CFAP47: variants seen among roughly 807,000 people sequenced by gnomAD.
CFAP47 encodes cilia and flagella associated protein 47.
Under a neutral mutation model 148.1 loss-of-function variants are expected in CFAP47, and 29 were observed. That is an observed-to-expected ratio of 0.20 (90% CI 0.15 to 0.27). CFAP47 has a LOEUF of 0.27. Ranked by LOEUF, CFAP47 falls within the 10% of genes least tolerant of loss-of-function variation. CFAP47 has a pLI of 1.00. For missense variants in CFAP47, 1,872 were observed against 1,697.5 expected (o/e 1.10, Z -1.81); for synonymous variants, 664 against 577.3 (o/e 1.15, Z -2.15).
chrX:36,319,965 A>G (rs782007924), intron 57 of CFAP47, among the ~76,000 whole-genome samples: 2 of 110,837 alleles, frequency 1.8e-5, no homozygotes, highest in African/African-American at 3.3e-5. Flanking sequence ...AGCTGGGACT[A>G]CAGGCGCACA....
At chrX:36,311,094 C>A in intron 56 of CFAP47, 105 bp downstream of exon 56, 1 of 471,298 alleles carries the variant, frequency 2.1e-6, no homozygotes, top group Non-Finnish European at 3.3e-6. Flanking sequence ...CTTTAGAAAT[C>A]TGTAAAGAAA....
intron 21 of CFAP47, among the ~76,000 whole-genome samples, chrX:36,005,737 A>G (rs7058839): frequency 0.15 from 16,701 of 111,280 alleles, 1,249 homozygotes; most frequent in East Asian, 0.3. Flanking sequence ...AAACTTTGTA[A>G]GATTATTTTT....
At chrX:36,212,572 A>T (rs1402557052) in intron 45 of CFAP47, among the ~76,000 whole-genome samples, 2 of 111,460 alleles carry the variant, frequency 1.8e-5, no homozygotes, top group African/African-American at 3.3e-5. Context: ...TTATTTTTTT[A>T]AAATGGGTTT....
chrX:36,114,568 A>G (rs1938608035), intron 33 of CFAP47, among the ~76,000 whole-genome samples: 1 of 111,127 alleles, frequency 9.0e-6, no homozygotes, highest in South Asian at 3.8e-4. Context: ...TGATTGTGGT[A>G]TAAGGTGGAT....
In CFAP47 at chrX:36,025,113, C is replaced by T. The variant is rs979224830; in HGVS notation, c.3557-6140C>T. Among the ~76,000 whole-genome samples the T allele has an allele frequency of 2.7e-5, 3 of 111,503 alleles. No homozygotes were observed. In the South Asian group the frequency reaches 1.1e-3, roughly 42 times the overall value. ...TCATAAGCATTTAGGTTGTTTCTTC[C>T]TTTTACCTTCTTGTTAATATAAATA... On this transcript the variant is annotated intron_variant, in intron 22 of 63. Transcript: ENST00000378653.
chrX:35,926,231 A>G, intron 2 of CFAP47, 63 bp downstream of exon 2: 1 of 928,864 alleles, frequency 1.1e-6, no homozygotes, highest in South Asian at 3.1e-5. Context: ...ATGAGGGTCA[A>G]AGTAATATTT....
Position 36,306,768 on chromosome X carries a change from A to G in CFAP47, c.8083-4A>G, listed in dbSNP as rs1360877024. On this transcript the variant is annotated splice_region_variant and splice_polypyrimidine_tract_variant and intron_variant, in intron 54 of 63. Transcript: ENST00000378653. The stretch of plus-strand genomic sequence containing the variant: ...TTCCCCCTTTGCTTTTTCCATTTAC[A>G]CAGCTGATCATATCTCCTCACTCCA... 22 of 1,132,160 alleles carry G rather than the reference A, an allele frequency of 1.9e-5. No individual in the cohort carries two copies. Among genetic ancestry groups the G allele is most frequent in the Non-Finnish European group, 2.5e-5 (21 of 847,146 alleles). The allele number at this position is 1,132,160 out of a possible 1,213,427, so 93.3% of individuals were successfully genotyped here.
At chrX:36,009,047 A>T (rs940734915) in intron 21 of CFAP47, among the ~76,000 whole-genome samples, 1 of 110,890 alleles carries the variant, frequency 9.0e-6, no homozygotes, top group African/African-American at 3.3e-5. Flanking sequence ...ATTTCTGTTG[A>T]TGTGGAAGAA....
intron 48 of CFAP47, among the ~76,000 whole-genome samples, chrX:36,248,465 G>C (rs1035585532): frequency 2.0e-5 from 2 of 99,176 alleles, no homozygotes; most frequent in African/African-American, 3.8e-5. Flanking sequence ...AGAAAGCATA[G>C]AAAAGTATTT....
In CFAP47 at chrX:36,379,448, G is replaced by C. The variant is rs1942057171; in HGVS notation, c.9284G>C (p.Gly3095Ala). The C allele has an allele frequency of 8.6e-7, 1 of 1,162,605 alleles. No homozygotes were observed. Among genetic ancestry groups the C allele is most frequent in the Non-Finnish European group, 1.2e-6 (1 of 869,443 alleles). ...AGELLPFNTN[G>A]TLITVGFKPK... Reference sequence around the variant, plus strand: ...GAACTTCTTCCTTTTAACACAAACGGAACTCTCATCACTGTAGGATTTAAA... The same window carrying C: ...GAACTTCTTCCTTTTAACACAAACGCAACTCTCATCACTGTAGGATTTAAA... The change falls in exon 63 of 64, where the codon GGA becomes GCA. Residue 3095 changes from glycine to alanine, a missense_variant. Physicochemically the swap from Gly to Ala is moderately conservative, Grantham distance 60 (BLOSUM62 0). Coordinates refer to ENST00000378653, the MANE Select transcript of CFAP47 (RefSeq NM_001304548.2).
At chrX:36,335,311 A>G (rs1279545936) in intron 57 of CFAP47, among the ~76,000 whole-genome samples, 2 of 110,843 alleles carry the variant, frequency 1.8e-5, no homozygotes, top group Admixed American at 1.9e-4. Flanking sequence ...CTTTTTAGAA[A>G]ATGCATCCTG....
chrX:36,135,730 T>C (rs1939033400), intron 33 of CFAP47, among the ~76,000 whole-genome samples: 1 of 111,851 alleles, frequency 8.9e-6, no homozygotes, highest in Non-Finnish European at 1.9e-5. Context: ...GGAAATGTGA[T>C]GGCAGGTACG....
intron 51 of CFAP47, among the ~76,000 whole-genome samples, chrX:36,288,503 T>G (rs1941156689): frequency 8.9e-6 from 1 of 112,317 alleles, no homozygotes. Context: ...AGCAACTCTT[T>G]ATATAATTTA....
chrX:36,021,240 TGTAAGA>T (rs1406007144), intron 22 of CFAP47, among the ~76,000 whole-genome samples: 3 of 111,582 alleles, frequency 2.7e-5, no homozygotes, highest in Non-Finnish European at 5.6e-5. Context: ...ATTTAGTCTA[TGTAAGA>T]GTATTTTACA....
rs1555998225 is a variant in CFAP47, at chrX:36,251,421, C to T, written c.7421C>T (p.Pro2474Leu). ...ATTCTGTACCTGATTCATGTGCGCC[C>T]TTGGAAACGTGGTATATTGAAAGGT... ...KEILYLIHVR[P>L]WKRGILKGTI... Residue 2474 changes from proline to leucine, a missense_variant, in exon 49 of 64, where the codon CCT becomes CTT. Coordinates refer to ENST00000378653, the MANE Select transcript of CFAP47 (RefSeq NM_001304548.2). 1 of 501,971 alleles carries T rather than the reference C, an allele frequency of 2.0e-6. No homozygotes were observed. Among genetic ancestry groups the T allele is most frequent in the African/African-American group, 2.3e-5 (1 of 42,577 alleles). 41.4% of individuals were successfully genotyped at this position (501,971 alleles called of 1,213,427 possible).
intron 29 of CFAP47, among the ~76,000 whole-genome samples, chrX:36,082,176 C>T (rs1937995541): frequency 9.0e-6 from 1 of 111,621 alleles, no homozygotes; most frequent in African/African-American, 3.3e-5. Flanking sequence ...GTTCCCTTTT[C>T]TCCGCATCTT....
chrX:36,088,010 G>A (rs1429662528), intron 30 of CFAP47, among the ~76,000 whole-genome samples: 1 of 111,358 alleles, frequency 9.0e-6, no homozygotes, highest in Non-Finnish European at 1.9e-5. Context: ...TTTCCTCTGT[G>A]TACCCATTTC....
intron 38 of CFAP47, 66 bp from the exon 39 acceptor site, chrX:36,160,615 T>C: frequency 3.5e-6 from 1 of 284,079 alleles, no homozygotes; most frequent in Non-Finnish European, 6.2e-6. Context: ...TAAGATTATA[T>C]TTTATAATTC....
At chrX:36,196,554 G>A (rs1186597216) in intron 42 of CFAP47, among the ~76,000 whole-genome samples, 1 of 111,107 alleles carries the variant, frequency 9.0e-6, no homozygotes, top group Non-Finnish European at 1.9e-5. Context: ...GCTAATTAGT[G>A]GCAGAGCTGG....
Sources: gnomAD v4.1 joint callset for allele counts (sites outside exome capture counted in the v4.1 genomes callset) on GRCh38, gnomAD v4.1.1 for gene constraint, MANE v1.5 for transcripts, NCBI Gene and HGNC (gene_info 2026-07-23, HGNC 2026-07-21) for gene names.